ABCA13: variants seen among roughly 807,000 people sequenced by gnomAD.
ABCA13 encodes ATP binding cassette subfamily A member 13, also known as ATP-binding cassette sub-family A member 13.
In ABCA13, 476 loss-of-function variants were observed where a neutral mutation model predicts 478.7. The observed-to-expected ratio is 0.99, with a 90% CI of 0.92 to 1.07. The LOEUF (loss-of-function observed/expected upper bound fraction) is 1.07, where lower values mean the gene tolerates loss of function less well. Among genes scored for constraint, ABCA13 ranks in the 50% least tolerant of loss-of-function variants. The probability of loss-of-function intolerance (pLI) is 0.00; values close to 1 mark genes in which losing one functional copy is unlikely to be tolerated. For synonymous variants in ABCA13, 2,252 were observed against 2,158.9 expected (o/e 1.04, Z -1.20); for missense variants, 6,060 against 5,910.6 (o/e 1.03, Z -0.83).
At chr7:48,248,953 CT>C (rs372684070) in intron 14 of ABCA13, among the ~76,000 whole-genome samples, 4 of 152,014 alleles carry the variant, frequency 2.6e-5, no homozygotes, top group Non-Finnish European at 5.9e-5. Context: ...TAATTTTCCT[CT>C]TTTTTTGTCC....
At position 48,297,424 on chromosome 7, in the gene ABCA13, T is replaced by A. The variant is rs181431466; in HGVS notation, c.9199+113T>A. The A allele has an allele frequency of 2.6e-4, 274 of 1,047,570 alleles. No individual in the cohort carries two copies. In the African/African-American group the frequency reaches 3.9e-3, roughly 15 times the overall value. The allele number at this position is 1,047,570 out of a possible 1,614,324, so 64.9% of individuals were successfully genotyped here. A position where few individuals can be genotyped will look rare whatever the true frequency, so the allele number is the denominator to read the frequency against. ...GAAAATTTATGCTATATGTGATACA[T>A]AATCATTTACAACTTGGCTGGTATG... On this transcript the variant is annotated intron_variant, in intron 22 of 61. Transcript: ENST00000435803.
intron 42 of ABCA13, among the ~76,000 whole-genome samples, chr7:48,450,314 C>T (rs889347581): frequency 2.0e-5 from 3 of 152,104 alleles, no homozygotes; most frequent in African/African-American, 7.2e-5. Flanking sequence ...AATAAGTGTA[C>T]AGTCTTTACA....
At chr7:48,428,981 G>A (rs565206548) in intron 42 of ABCA13, among the ~76,000 whole-genome samples, 11 of 152,190 alleles carry the variant, frequency 7.2e-5, no homozygotes, top group Non-Finnish European at 1.6e-4. Context: ...AACCCCTAAT[G>A]TACTTTCAAT....
Position 48,275,728 on chromosome 7 carries a change from A to G in ABCA13, c.6062A>G (p.Asn2021Ser), listed in dbSNP as rs534813985. 9 of 1,605,358 alleles carry G rather than the reference A, an allele frequency of 5.6e-6. No individual in the cohort carries two copies. In the African/African-American group the frequency reaches 8.0e-5, roughly 14 times the overall value. The change falls in exon 17 of 62, where the codon AAT (asparagine) becomes AGT (serine). Residue 2021 changes from asparagine (N) to serine (S), a missense_variant. Physicochemically the swap from Asn to Ser is conservative, Grantham distance 46. This residue lies in a region of ABCA13 where 4,423 missense variants were observed against 4,309.1 expected (regional missense o/e 1.03). Coordinates refer to ENST00000435803, the MANE Select transcript of ABCA13 (RefSeq NM_152701.5). ...TGGAGCCTAGAAAAAAGTACGCATA[A>G]TCTACTCTCTTTATTCATGATGCTC... ...EDWSLEKSTH[N>S]LLSLFMMLQN...
At chr7:48,385,562 G>T (rs1275703079) in intron 35 of ABCA13, among the ~76,000 whole-genome samples, 1 of 152,014 alleles carries the variant, frequency 6.6e-6, no homozygotes, top group African/African-American at 2.4e-5. Flanking sequence ...GTCTATTGTT[G>T]ATGGCCATTT....
chr7:48,234,089 C>T lies in ABCA13; in HGVS notation c.835C>T (p.Gln279Ter). 1 of 1,614,006 alleles carries T rather than the reference C, an allele frequency of 6.2e-7. No individual in the cohort carries two copies. The highest frequency in any genetic ancestry group is 8.5e-7 in the Non-Finnish European group (1 of 1,179,874). ...GAAAGTCCAGTATGATCTCAAATCC[C>T]AGTTTGGCTTTGATGATCTTCACAC... ...PQKVQYDLKS[Q>*]FGFDDLHTEQ... is the part of the protein sequence containing the mutation. The change falls in exon 8 of 62, where the codon CAG becomes TAG. Residue 279 changes from glutamine to a stop codon, truncating the protein, a stop_gained. Coordinates refer to ENST00000435803, the MANE Select transcript of ABCA13 (RefSeq NM_152701.5). LOFTEE classifies it high-confidence loss of function.
In ABCA13 at chr7:48,278,915, C is replaced by G. The variant is rs1796651052; in HGVS notation, c.7721C>G (p.Ala2574Gly). 6.2e-7 allele frequency: 1 copy of G among 1,612,986 alleles called. No homozygotes were observed. Among genetic ancestry groups the G allele is most frequent in the South Asian group, 1.1e-5 (1 of 91,052 alleles). Residue 2574 changes from alanine to glycine, a missense_variant, in exon 18 of 62, where the codon GCT becomes GGT. This residue lies in a region of ABCA13 where 4,423 missense variants were observed against 4,309.1 expected (regional missense o/e 1.03). Coordinates refer to ENST00000435803, the MANE Select transcript of ABCA13 (RefSeq NM_152701.5). ...QSVQNLVKEI[A>G]TLKKIDHFTF... ...GTTCAAAATCTTGTGAAAGAAATAGCTACTTTAAAAAAAATAGATCATTTC... is the reference window on the plus strand; with the variant it reads ...GTTCAAAATCTTGTGAAAGAAATAGGTACTTTAAAAAAAATAGATCATTTC...
At position 48,272,665 on chromosome 7, in the gene ABCA13, A is replaced by T. The variant is rs769404377; in HGVS notation, c.2999A>T (p.Lys1000Ile). Residue 1000 changes from lysine (K) to isoleucine (I), a missense_variant, in exon 17 of 62, where the codon AAA becomes ATA. By Grantham distance (102) the Lys-to-Ile change is moderately radical. Coordinates refer to ENST00000435803, the MANE Select transcript of ABCA13 (RefSeq NM_152701.5). ...QISKHILDII[K>I]QFNFQNISKA... ...TCAAAACACATTTTGGATATCATAA[A>T]ACAATTTAATTTCCAAAACATCAGT... 166 of 1,613,026 alleles carry T rather than the reference A, an allele frequency of 1.0e-4. No individual in the cohort carries two copies. The highest frequency in any genetic ancestry group is 1.7e-4 in the Middle Eastern group (1 of 6,060).
rs575130538 is a variant in ABCA13 at position 48,411,023 on chromosome 7, C to T, written c.12228+346C>T. On this transcript the variant is annotated intron_variant, in intron 40 of 61. Transcript: ENST00000435803. ...TCTTTCTTTCTTTCTTTCTTTCTTT[C>T]TTTCTTTCTTTCTTTCTTTCTTTCT... 1.2e-3 allele frequency among the ~76,000 whole-genome samples: 141 copies of T among 118,224 alleles called. 2 individuals are homozygous for T. The highest frequency in any genetic ancestry group is 4.1e-3 in the African/African-American group (134 of 32,340). The allele number at this position is 118,224 out of a possible 152,430, so 77.6% of individuals were successfully genotyped here. A position where few individuals can be genotyped will look rare whatever the true frequency, so the allele number is the denominator to read the frequency against.
At chr7:48,296,751 G>A (rs987886925) in intron 21 of ABCA13, among the ~76,000 whole-genome samples, 3 of 152,034 alleles carry the variant, frequency 2.0e-5, no homozygotes, top group African/African-American at 4.8e-5. Context: ...CTGAGCCACC[G>A]CACCCGGTCG....
chr7:48,340,178 C>T (rs1191744295), intron 29 of ABCA13, among the ~76,000 whole-genome samples: 1 of 152,110 alleles, frequency 6.6e-6, no homozygotes, highest in Admixed American at 6.5e-5. Context: ...GCAATCTCAG[C>T]TCACTGCAAC....
intron 34 of ABCA13, among the ~76,000 whole-genome samples, chr7:48,375,276 A>T (rs1174235468): frequency 6.6e-6 from 1 of 152,176 alleles, no homozygotes; most frequent in African/African-American, 2.4e-5. Context: ...GTTAGTGACC[A>T]CTGTGTTAGA....
intron 31 of ABCA13, among the ~76,000 whole-genome samples, chr7:48,359,043 C>A (rs1285922652): frequency 6.6e-6 from 1 of 151,946 alleles, no homozygotes; most frequent in Non-Finnish European, 1.5e-5. Flanking sequence ...GTTCGCAGGA[C>A]CTTGGGCCAG....
chr7:48,462,735 C>T (rs1029033935), intron 43 of ABCA13, among the ~76,000 whole-genome samples: 1 of 152,154 alleles, frequency 6.6e-6, no homozygotes, highest in Non-Finnish European at 1.5e-5. Context: ...TCGCGAACTC[C>T]TGACCTTAGG....
chr7:48,302,663 A>G (rs1369049024), intron 23 of ABCA13, among the ~76,000 whole-genome samples: 1 of 152,218 alleles, frequency 6.6e-6, no homozygotes, highest in Non-Finnish European at 1.5e-5. Context: ...ATGTCCCTCC[A>G]AAGGACATGA....
At chr7:48,624,600 T>A (rs10280980) in intron 59 of ABCA13, among the ~76,000 whole-genome samples, 57,663 of 150,580 alleles carry the variant, frequency 0.38, 11,904 homozygotes, top group African/African-American at 0.53. Context: ...CCCAGGCTGG[T>A]GTGCGAGTGC....
chr7:48,180,090 C>T (rs1795457235), intron 1 of ABCA13, among the ~76,000 whole-genome samples: 3 of 152,086 alleles, frequency 2.0e-5, no homozygotes, highest in Middle Eastern at 3.4e-3. Context: ...AACACCAATA[C>T]AGCACTCTGA....
intron 43 of ABCA13, 148 bp from the exon 44 acceptor site, chr7:48,466,808 G>T: frequency 1.4e-6 from 1 of 714,448 alleles, no homozygotes; most frequent in East Asian, 2.7e-5. Context: ...AAAAACAGTG[G>T]AAAATTAGCT....
chr7:48,427,427 C>T (rs1185089434), intron 41 of ABCA13, among the ~76,000 whole-genome samples: 3 of 152,316 alleles, frequency 2.0e-5, no homozygotes, highest in Non-Finnish European at 4.4e-5. Context: ...GATGCTGGTA[C>T]AGTGAGTCAC....
Sources: gnomAD v4.1 joint callset for allele counts (sites outside exome capture counted in the v4.1 genomes callset) on GRCh38, gnomAD v4.1.1 for gene constraint, gnomAD v4.1.1 regional missense constraint, MANE v1.5 for transcripts, NCBI Gene and HGNC (gene_info 2026-07-23, HGNC 2026-07-21) for gene names.